SRRM4: variants seen among roughly 807,000 people sequenced by gnomAD.
SRRM4 encodes the protein serine/arginine repetitive matrix 4, also known as serine/arginine repetitive matrix protein 4.
Under a neutral mutation model 68.9 loss-of-function variants are expected in SRRM4, and 33 were observed. That is an observed-to-expected ratio of 0.48 (90% CI 0.36 to 0.64). The LOEUF (loss-of-function observed/expected upper bound fraction) is 0.64. Among genes scored for constraint, SRRM4 ranks in the 30% least tolerant of loss-of-function variants. The pLI, the probability that SRRM4 is intolerant of heterozygous loss-of-function variation, is 0.00. For synonymous variants in SRRM4, 318 were observed against 318.8 expected, an observed-to-expected ratio of 1.00 and a Z score of 0.03; for missense variants, 817 against 827.1, an observed-to-expected ratio of 0.99 and a Z score of 0.15.
At chr12:119,120,516 C>T (rs1954212674) in intron 5 of SRRM4, among the ~76,000 whole-genome samples, 1 of 100,532 alleles carries the variant, frequency 9.9e-6, no homozygotes, top group African/African-American at 4.4e-5. Context: ...GATGTCTCGA[C>T]CCCAGAATGT....
At chr12:119,050,658 G>A (rs973971627) in intron 1 of SRRM4, among the ~76,000 whole-genome samples, 5 of 152,094 alleles carry the variant, frequency 3.3e-5, no homozygotes, top group South Asian at 2.1e-4. Context: ...GTAAGAACAA[G>A]AGCCATGTCT....
At chr12:119,115,242 G>T (rs73213756) in intron 3 of SRRM4, among the ~76,000 whole-genome samples, 1 of 151,942 alleles carries the variant, frequency 6.6e-6, no homozygotes, top group East Asian at 1.9e-4. Flanking sequence ...GAGGGGAGGG[G>T]TGCTGTTTGT....
intron 1 of SRRM4, among the ~76,000 whole-genome samples, chr12:119,085,777 G>A (rs965639305): frequency 1.3e-5 from 2 of 152,170 alleles, no homozygotes; most frequent in Non-Finnish European, 2.9e-5. Context: ...GGTGAGAGAC[G>A]GTGGTGGCTT....
chr12:119,145,759 C>A (rs1954398439), intron 9 of SRRM4, 74 bp downstream of exon 9: 2 of 1,222,734 alleles, frequency 1.6e-6, no homozygotes, highest in Non-Finnish European at 1.1e-6. Context: ...CTCATCCCAG[C>A]CTCCCCCACT....
chr12:119,054,454 A>G (rs1415511591), intron 1 of SRRM4, among the ~76,000 whole-genome samples: 1 of 152,206 alleles, frequency 6.6e-6, no homozygotes, highest in Non-Finnish European at 1.5e-5. Context: ...TCAAACAACT[A>G]GAAAGTGGAA....
intron 1 of SRRM4, among the ~76,000 whole-genome samples, chr12:119,012,901 C>T (rs780783597): frequency 6.6e-6 from 1 of 152,084 alleles, no homozygotes; most frequent in Admixed American, 6.6e-5. Context: ...ACCCAATTAC[C>T]CTCTAAACCT....
chr12:119,056,166 C>G (rs1047903368), intron 1 of SRRM4, among the ~76,000 whole-genome samples: 3 of 152,240 alleles, frequency 2.0e-5, no homozygotes, highest in African/African-American at 7.2e-5. Flanking sequence ...GGCTCCAAAA[C>G]AGCCTGCATG....
chr12:119,071,445 C>T (rs543294177), intron 1 of SRRM4, among the ~76,000 whole-genome samples: 2 of 152,332 alleles, frequency 1.3e-5, no homozygotes, highest in South Asian at 2.1e-4. Flanking sequence ...CAACTCAGCA[C>T]ATACGAAGCA....
At chr12:119,059,240 A>G (rs1478299384) in intron 1 of SRRM4, among the ~76,000 whole-genome samples, 3 of 152,136 alleles carry the variant, frequency 2.0e-5, no homozygotes, top group Non-Finnish European at 4.4e-5. Context: ...TATATTGAAA[A>G]GACTCAGAAT....
intron 5 of SRRM4, among the ~76,000 whole-genome samples, chr12:119,121,021 C>G (rs757721599): frequency 2.0e-5 from 3 of 152,270 alleles, no homozygotes; most frequent in Non-Finnish European, 4.4e-5. Flanking sequence ...CCAATGTCCT[C>G]TGTCCACTCA....
chr12:119,056,713 C>CT (rs1178365700), intron 1 of SRRM4, among the ~76,000 whole-genome samples: 2 of 152,048 alleles, frequency 1.3e-5, no homozygotes, highest in Admixed American at 1.3e-4. Context: ...GCATGCATGG[C>CT]TATTTTTTTT....
At chr12:119,001,188 T>C (rs186267951) in intron 1 of SRRM4, 3 of 152,350 alleles carry the variant, frequency 2.0e-5, no homozygotes, top group South Asian at 2.1e-4. Flanking sequence ...CCCACCCTTA[T>C]GGCATGACTT....
intron 8 of SRRM4, among the ~76,000 whole-genome samples, chr12:119,134,435 C>T (rs1331571295): frequency 1.3e-5 from 2 of 151,384 alleles, no homozygotes; most frequent in Admixed American, 6.6e-5. Context: ...TCCTGAACTC[C>T]AGGGGCTCAC....
At chr12:119,026,529 T>C (rs34498019) in intron 1 of SRRM4, among the ~76,000 whole-genome samples, 39,460 of 151,884 alleles carry the variant, frequency 0.26, 5,965 homozygotes, top group Middle Eastern at 0.47. Flanking sequence ...AATTAATTAA[T>C]GTTTTTAATT....
intron 2 of SRRM4, among the ~76,000 whole-genome samples, chr12:119,107,512 A>G (rs1164990180): frequency 1.3e-5 from 2 of 152,126 alleles, no homozygotes; most frequent in Non-Finnish European, 1.5e-5. Context: ...TTATTGGTCT[A>G]TTTAGGGATT....
intron 6 of SRRM4, 37 bp from the exon 7 acceptor site, chr12:119,125,344 T>C (rs1246797658): frequency 3.2e-6 from 5 of 1,564,060 alleles, no homozygotes; most frequent in Middle Eastern, 1.7e-4. Context: ...ACTCTCTCTC[T>C]CCTCTCCTCT....
chr12:118,988,651 T>C (rs2135988284), intron 1 of SRRM4, among the ~76,000 whole-genome samples: 1 of 152,212 alleles, frequency 6.6e-6, no homozygotes, highest in South Asian at 2.1e-4. Context: ...AAAAATTAGG[T>C]TGTACTTTCA....
At chr12:119,153,350 T>A (rs1265826724) in intron 10 of SRRM4, among the ~76,000 whole-genome samples, 189 bp from the exon 11 acceptor site, 1 of 135,424 alleles carries the variant, frequency 7.4e-6, no homozygotes, top group Non-Finnish European at 1.6e-5. Flanking sequence ...AAAATAGAAG[T>A]TGTTGGTATT....
chr12:119,086,637 G>T (rs985100291), intron 1 of SRRM4, among the ~76,000 whole-genome samples: 1 of 152,210 alleles, frequency 6.6e-6, no homozygotes, highest in Non-Finnish European at 1.5e-5. Context: ...ATGCAGCAGG[G>T]CCCCTTCATG....
Sources: gnomAD v4.1 joint callset for allele counts (sites outside exome capture counted in the v4.1 genomes callset) on GRCh38, gnomAD v4.1.1 for gene constraint, MANE v1.5 for transcripts, NCBI Gene and HGNC (gene_info 2026-07-23, HGNC 2026-07-21) for gene names.